Variants in IQGAP3 observed in about 807,000 individuals in gnomAD.
IQGAP3 encodes ras GTPase-activating-like protein IQGAP3.
In IQGAP3, 165 loss-of-function variants were observed where a neutral mutation model predicts 208.2. The ratio of observed to expected loss-of-function variants is 0.79; its 90% confidence interval spans 0.70 to 0.90. The LOEUF is 0.90. IQGAP3 is among the 40% of genes least tolerant of loss of function. The pLI, the probability that IQGAP3 is intolerant of heterozygous loss-of-function variation, is 0.00. For missense variants in IQGAP3, 1,811 were observed against 2,043.1 expected (o/e 0.89, Z 2.19); for synonymous variants, 703 against 803.6 (o/e 0.87, Z 2.12).
intron 28 of IQGAP3, 62 bp from the exon 29 acceptor site, chr1:156,534,795 C>T: frequency 1.6e-6 from 2 of 1,243,164 alleles, no homozygotes; most frequent in South Asian, 1.6e-5. Context: ...TGCGGCCCCA[C>T]ATTCTCAGCT....
Position 156,563,314 on chromosome 1 carries a change from T to C in IQGAP3, c.620-2A>G. 1 of 1,585,604 alleles carries C rather than the reference T, an allele frequency of 6.3e-7. No individual in the cohort carries two copies. The stretch of plus-strand genomic sequence containing the variant: ...TGATGGCAAGAACAGCTGCATGGAC[T>C]GGGAGAGGGCATGGAAACAAGGTCA... On this transcript the variant is annotated splice_acceptor_variant, in intron 7 of 37. Transcript: ENST00000361170. LOFTEE classifies it high-confidence loss of function.
rs751986027 is a variant in IQGAP3 at position 156,560,988 on chromosome 1, C to T, written c.1075G>A (p.Glu359Lys). Residue 359 changes from glutamate (E) to lysine (K), a missense_variant, in exon 11 of 38, where the codon GAA (glutamate) becomes AAA (lysine). Glu to Lys is a moderately conservative substitution (Grantham distance 56). Coordinates refer to ENST00000361170, the MANE Select transcript of IQGAP3 (RefSeq NM_178229.5). ...LGLVELLEKE[E>K]VQAGVAAANT... ...GCTGCAGCCACACCAGCCTGGACTT[C>T]CTCCTTTTCCAGAAGCTCCACCAGG... 3.7e-6 allele frequency: 6 copies of T among 1,613,772 alleles called. No homozygotes were observed. Among genetic ancestry groups the T allele is most frequent in the Non-Finnish European group, 5.1e-6 (6 of 1,179,904 alleles).
chr1:156,566,459 T>C lies in IQGAP3; in HGVS notation c.213A>G (p.Leu71=), dbSNP rs947662. The C allele has an allele frequency of 0.99, 1,602,730 of 1,614,088 alleles. 796,417 individuals carry two copies. The highest frequency in any genetic ancestry group is 1 in the East Asian group (44,876 of 44,876). ...SLRNGVLLAK[L]GHCFAPSVVP... is the part of the protein sequence containing the mutation. ...CCACGGAGGGTGCAAAACAGTGGCC[T>C]AGCTTGGCCAGCAGCACTCCATTCC... Residue 71 remains leucine (L), a synonymous_variant, in exon 3 of 38, where the codon CTA becomes CTG. Coordinates refer to ENST00000361170, the MANE Select transcript of IQGAP3 (RefSeq NM_178229.5).
chr1:156,540,739 C>G lies in IQGAP3; in HGVS notation c.2708G>C (p.Gly903Ala), dbSNP rs928570891. The change falls in exon 23 of 38, where the codon GGC becomes GCC. Residue 903 changes from glycine to alanine, a missense_variant. Physicochemically the swap from Gly to Ala is moderately conservative, Grantham distance 60. Coordinates refer to ENST00000361170, the MANE Select transcript of IQGAP3 (RefSeq NM_178229.5). ...QDLNIMDIKIGLLVKNRITLQ... is the reference protein window; with the variant it reads ...QDLNIMDIKIALLVKNRITLQ... ...AGTGATCCGGTTCTTCACCAGCAGGCCAATCTTGATGTCCATGATGTTGAG... is the reference window on the plus strand; with the variant it reads ...AGTGATCCGGTTCTTCACCAGCAGGGCAATCTTGATGTCCATGATGTTGAG... 1.2e-6 allele frequency: 2 copies of G among 1,613,956 alleles called. No individual in the cohort carries two copies. The highest frequency in any genetic ancestry group is 1.7e-6 in the Non-Finnish European group (2 of 1,180,014).
chr1:156,562,146 A>T, intron 9 of IQGAP3, 145 bp from the exon 10 acceptor site: 1 of 762,766 alleles, frequency 1.3e-6, no homozygotes, highest in South Asian at 1.9e-5. Flanking sequence ...CATTTGGTTC[A>T]GCCCAAATTC....
chr1:156,534,437 A>T (rs2102365651), intron 29 of IQGAP3, 64 bp downstream of exon 29: 2 of 1,225,380 alleles, frequency 1.6e-6, no homozygotes, highest in South Asian at 3.0e-5. Flanking sequence ...TCTGGAGGGG[A>T]CAAGTGGGAT....
intron 1 of IQGAP3, 80 bp downstream of exon 1, chr1:156,572,413 C>T: frequency 6.9e-7 from 1 of 1,449,188 alleles, no homozygotes; most frequent in South Asian, 1.1e-5. Flanking sequence ...CCGACACACG[C>T]CCCAATCTCT....
chr1:156,526,350 TG>T lies in IQGAP3; in HGVS notation c.*135del, dbSNP rs1468106841. The T allele has an allele frequency of 1.2e-5, 8 of 648,908 alleles. No homozygotes were observed. The highest frequency in any genetic ancestry group is 2.2e-5 in the Non-Finnish European group (8 of 362,184). The allele number at this position is 648,908 out of a possible 1,614,324, so 40.2% of individuals were successfully genotyped here. ...GCCAGGCAGGCAAGCTCCTCCCAGC[TG>T]GGGAAGGGGTGAGAATCCCTGGGCC... On this transcript the variant is annotated 3_prime_UTR_variant, in exon 38 of 38. Coordinates refer to ENST00000361170, the MANE Select transcript of IQGAP3 (RefSeq NM_178229.5).
intron 32 of IQGAP3, among the ~76,000 whole-genome samples, chr1:156,531,895 G>A (rs561726073): frequency 1.3e-5 from 2 of 151,266 alleles, no homozygotes; most frequent in South Asian, 4.3e-4. Context: ...ATGAGCCACC[G>A]CACCTGGCCA....
chr1:156,569,615 T>C lies in IQGAP3; in HGVS notation c.38-152A>G. The C allele has an allele frequency of 7.7e-6, 3 of 389,444 alleles. 1 individual carries two copies. In the South Asian group the frequency reaches 1.4e-4, roughly 18 times the overall value. 24.1% of individuals were successfully genotyped at this position (389,444 alleles called of 1,614,324 possible). A position where few individuals can be genotyped will look rare whatever the true frequency, so the allele number is the denominator to read the frequency against. ...CTCACTGCAAGCTCCGCCTCCCGGGTTCATGCCATTCTCCTGCGTCAGCCT... is the reference window on the plus strand; with the variant it reads ...CTCACTGCAAGCTCCGCCTCCCGGGCTCATGCCATTCTCCTGCGTCAGCCT... On this transcript the variant is annotated intron_variant, in intron 1 of 37. Coordinates refer to ENST00000361170, the MANE Select transcript of IQGAP3 (RefSeq NM_178229.5).
intron 2 of IQGAP3, among the ~76,000 whole-genome samples, chr1:156,568,812 A>G (rs1456384910): frequency 6.6e-6 from 1 of 152,222 alleles, no homozygotes; most frequent in African/African-American, 2.4e-5. Context: ...AAGCTGAATG[A>G]CACAAGAAAG....
chr1:156,548,642 G>A lies in IQGAP3; in HGVS notation c.1932C>T (p.Pro644=), dbSNP rs778899555. The change falls in exon 17 of 38, where the codon CCC becomes CCT. Residue 644 remains proline, a synonymous_variant. Coordinates refer to ENST00000361170, the MANE Select transcript of IQGAP3 (RefSeq NM_178229.5). ...CTCGCTGGTAGCCGTTGGCACAGTC[G>A]GGAACTACCCCTCGAAGGGCCACTG... is the stretch of plus-strand genomic sequence containing the variant. ...NPAVALRGVV[P]DCANGYQRAL... 27 of 1,612,160 alleles carry A rather than the reference G, an allele frequency of 1.7e-5. No homozygotes were observed. Among genetic ancestry groups the A allele is most frequent in the African/African-American group, 1.1e-4 (8 of 74,872 alleles).
At chr1:156,535,945 A>G (rs1447808944) in intron 27 of IQGAP3, among the ~76,000 whole-genome samples, 1 of 152,236 alleles carries the variant, frequency 6.6e-6, no homozygotes, top group African/African-American at 2.4e-5. Context: ...ATAATGGTAG[A>G]GTACTATTCA....
At chr1:156,540,612 T>C (rs1674929831) in intron 23 of IQGAP3, 96 bp downstream of exon 23, 8 of 1,157,530 alleles carry the variant, frequency 6.9e-6, no homozygotes, top group South Asian at 4.3e-5. Flanking sequence ...ATCCACAACA[T>C]TTTGAAAAAA....
chr1:156,539,370 C>G lies in IQGAP3; in HGVS notation c.3056+4G>C. On this transcript the variant is annotated splice_donor_region_variant and intron_variant, in intron 25 of 37. Coordinates refer to ENST00000361170, the MANE Select transcript of IQGAP3 (RefSeq NM_178229.5). Reference sequence around the variant, plus strand: ...CCCCATTCCTTTGTGTCTGGAGAGCCTACTTGATTTCCTCCTGGAGTGCTG... The same window carrying G: ...CCCCATTCCTTTGTGTCTGGAGAGCGTACTTGATTTCCTCCTGGAGTGCTG... 1 of 1,613,354 alleles carries G rather than the reference C, an allele frequency of 6.2e-7. No homozygotes were observed. Among genetic ancestry groups the G allele is most frequent in the Non-Finnish European group, 8.5e-7 (1 of 1,179,786 alleles).
At chr1:156,553,065 C>A (rs1023347403) in intron 13 of IQGAP3, among the ~76,000 whole-genome samples, 2 of 152,086 alleles carry the variant, frequency 1.3e-5, no homozygotes, top group Non-Finnish European at 2.9e-5. Flanking sequence ...CAGAGCAAGG[C>A]CCTGAGCTGT....
At chr1:156,531,288 G>C in intron 32 of IQGAP3, 41 bp from the exon 33 acceptor site, 1 of 1,509,270 alleles carries the variant, frequency 6.6e-7, no homozygotes, top group Non-Finnish European at 9.2e-7. Context: ...GTAAGGGGCA[G>C]GGGAAGGGCC....
At chr1:156,527,252 C>A (rs9633335) in intron 37 of IQGAP3, among the ~76,000 whole-genome samples, 2 of 150,940 alleles carry the variant, frequency 1.3e-5, no homozygotes, top group Admixed American at 6.6e-5. Flanking sequence ...GAGGCTGAGG[C>A]GGGCGGATCA....
At chr1:156,538,697 C>A in intron 26 of IQGAP3, 112 bp downstream of exon 26, 1 of 815,336 alleles carries the variant, frequency 1.2e-6, no homozygotes, top group South Asian at 1.5e-5. Context: ...TCAGCATGCC[C>A]ATTTATATGC....
Sources: allele counts gnomAD v4.1 joint callset (sites outside exome capture counted in the v4.1 genomes callset), GRCh38; gene constraint gnomAD v4.1.1; transcripts MANE v1.5; gene names NCBI Gene and HGNC (gene_info 2026-07-23, HGNC 2026-07-21).